The following TNRC6C variants were observed in gnomAD, a reference collection of about 807,000 sequenced individuals.
TNRC6C encodes trinucleotide repeat-containing gene 6C protein.
Under a neutral mutation model 153.7 loss-of-function variants are expected in TNRC6C, and 20 were observed. The observed-to-expected ratio is 0.13, with a 90% CI of 0.09 to 0.19. The LOEUF (loss-of-function observed/expected upper bound fraction) is 0.19. TNRC6C is among the 10% of genes least tolerant of loss of function. The pLI, the probability that TNRC6C is intolerant of heterozygous loss-of-function variation, is 1.00. For synonymous variants in TNRC6C, 811 were observed against 841.4 expected (o/e 0.96, Z 0.63); for missense variants, 1,987 against 2,172.0 (o/e 0.91, Z 1.69).
intron 1 of TNRC6C, among the ~76,000 whole-genome samples, chr17:77,986,373 A>G (rs965682510): frequency 3.3e-5 from 5 of 150,240 alleles, no homozygotes; most frequent in African/African-American, 9.8e-5. Flanking sequence ...AGATCGCGCC[A>G]TTGCACTCCA....
chr17:78,010,345 T>C (rs949877073), intron 1 of TNRC6C, among the ~76,000 whole-genome samples: 1 of 152,210 alleles, frequency 6.6e-6, no homozygotes, highest in Non-Finnish European at 1.5e-5. Context: ...TCCAGTAGTC[T>C]TCAGTTGAGT....
At chr17:78,064,455 G>T (rs1462734041) in intron 3 of TNRC6C, among the ~76,000 whole-genome samples, 1 of 152,136 alleles carries the variant, frequency 6.6e-6, no homozygotes, top group Non-Finnish European at 1.5e-5. Flanking sequence ...TACTTAGGAG[G>T]ATTGAGTGAG....
In TNRC6C at chr17:78,104,755, G is replaced by A. The variant is rs1459066136; in HGVS notation, c.4983G>A (p.Pro1661=). 35 of 1,491,406 alleles carry A rather than the reference G, an allele frequency of 2.3e-5. No individual in the cohort carries two copies. The highest frequency in any genetic ancestry group is 6.7e-5 in the Admixed American group (3 of 44,566). The allele number at this position is 1,491,406 out of a possible 1,614,324, so 92.4% of individuals were successfully genotyped here. A position where few individuals can be genotyped will look rare whatever the true frequency, so the allele number is the denominator to read the frequency against. Residue 1661 remains proline, a synonymous_variant, in exon 20 of 20, where the codon CCG becomes CCA. Coordinates refer to ENST00000301624, the Ensembl canonical transcript of TNRC6C. This position sits in a 1 kb window ranked among gnomAD's most constrained non-coding sequence, Gnocchi z 6.2. ...AGTACTCCAGCAGCCTGTGGGGCCCGCCCAGCGCCGACGACAGCAGGGTGA... is the reference window on the plus strand; with the variant it reads ...AGTACTCCAGCAGCCTGTGGGGCCCACCCAGCGCCGACGACAGCAGGGTGA...
At chr17:78,026,476 A>G (rs2071943582) in intron 1 of TNRC6C, among the ~76,000 whole-genome samples, 1 of 152,242 alleles carries the variant, frequency 6.6e-6, no homozygotes, top group South Asian at 2.1e-4. Context: ...TTAAACTGAT[A>G]TATTCATTGT....
At position 78,051,146 on chromosome 17, in the gene TNRC6C, G is replaced by A. The variant is rs751126281; in HGVS notation, c.2084G>A (p.Gly695Glu). 2.5e-6 allele frequency: 4 copies of A among 1,575,838 alleles called. No homozygotes were observed. In the Admixed American group the frequency reaches 7.1e-5, roughly 28 times the overall value. Residue 695 changes from glycine to glutamate, a missense_variant, in exon 3 of 20, where the codon GGG becomes GAG. Gly to Glu is a moderately conservative substitution (Grantham distance 98). Coordinates refer to ENST00000301624, the Ensembl canonical transcript of TNRC6C. ...CAGACAGGAACAGGGTGGATCGGGGGGCCGGTACCGGTCAAACAGAAGGAC... is the reference window on the plus strand; with the variant it reads ...CAGACAGGAACAGGGTGGATCGGGGAGCCGGTACCGGTCAAACAGAAGGAC...
chr17:78,047,087 G>A (rs377765102), intron 2 of TNRC6C, among the ~76,000 whole-genome samples: 53 of 152,128 alleles, frequency 3.5e-4, no homozygotes, highest in Non-Finnish European at 6.5e-4. Flanking sequence ...TAGTCAAGAG[G>A]CAGCCTGCCT....
intron 1 of TNRC6C, among the ~76,000 whole-genome samples, chr17:78,029,307 G>GTA (rs1305359862): frequency 6.6e-6 from 1 of 152,164 alleles, no homozygotes; most frequent in Non-Finnish European, 1.5e-5. Context: ...AACCCAGATG[G>GTA]TACAGGTTGC....
In TNRC6C at chr17:78,029,462, C is replaced by T. The variant is rs140869322; in HGVS notation, c.-545-2054C>T. On this transcript the variant is annotated intron_variant, in intron 1 of 19. Coordinates refer to ENST00000301624, the Ensembl canonical transcript of TNRC6C. ...ACATAGGAAAGGGACAAGAAAAATA[C>T]GCTATAAAGAATTTTTAAAAGGTAC... 2.3e-3 allele frequency among the ~76,000 whole-genome samples: 355 copies of T among 152,166 alleles called. 2 individuals are homozygous for T. Among genetic ancestry groups the T allele is most frequent in the Non-Finnish European group, 1.0e-3 (70 of 68,016 alleles).
At chr17:78,083,067 G>C in exon 11 of TNRC6C, 1 of 1,613,922 alleles carries the variant, frequency 6.2e-7, no homozygotes, top group East Asian at 2.2e-5. Flanking sequence ...AGCTTTTGCA[G>C]TTTGCAGCAA....
At chr17:78,037,342 A>G (rs2072199643) in intron 2 of TNRC6C, among the ~76,000 whole-genome samples, 1 of 152,252 alleles carries the variant, frequency 6.6e-6, no homozygotes, top group Non-Finnish European at 1.5e-5. Flanking sequence ...CCTACCAAAC[A>G]TCACATACCC....
In TNRC6C at chr17:77,981,295, T is replaced by G. The variant is rs112534556; in HGVS notation, c.-38+22027T>G. Among the ~76,000 whole-genome samples, 487 of 152,298 alleles carry G rather than the reference T, an allele frequency of 3.2e-3. 2 individuals carry two copies. Among genetic ancestry groups the G allele is most frequent in the African/African-American group, 0.011 (463 of 41,574 alleles). ...ATGAAGGCATCATTGATTAAGCCAT[T>G]GGCCATTGGTGATCAACTTAACCTT... On this transcript the variant is annotated intron_variant, in intron 1 of 22. Coordinates refer to the TNRC6C transcript ENST00000636222.
rs756099059 is a variant in TNRC6C at position 78,050,695 on chromosome 17, G to T, written c.1633G>T (p.Ala545Ser). ...TTGGGGGGACTCGATAAGCTCTACTGCTGTTAGTACTGCTGCTGCTGCCAA... is the reference window on the plus strand; with the variant it reads ...TTGGGGGGACTCGATAAGCTCTACTTCTGTTAGTACTGCTGCTGCTGCCAA... The change falls in exon 3 of 20, where the codon GCT (alanine) becomes TCT (serine). Residue 545 changes from alanine (A) to serine (S), a missense_variant. Physicochemically the swap from Ala to Ser is moderately conservative, Grantham distance 99 (BLOSUM62 1). Transcript: ENST00000301624. 3 of 1,571,750 alleles carry T rather than the reference G, an allele frequency of 1.9e-6. No individual in the cohort carries two copies. The highest frequency in any genetic ancestry group is 1.7e-6 in the Non-Finnish European group (2 of 1,157,936).
chr17:78,038,592 T>C (rs2072227723), intron 2 of TNRC6C, among the ~76,000 whole-genome samples: 1 of 147,766 alleles, frequency 6.8e-6, no homozygotes, highest in South Asian at 2.1e-4. Context: ...GGCAGGAGAA[T>C]GCCGTGAACC....
intron 1 of TNRC6C, among the ~76,000 whole-genome samples, chr17:78,012,853 G>A (rs947087791): frequency 3.3e-5 from 5 of 152,194 alleles, no homozygotes; most frequent in Non-Finnish European, 5.9e-5. Context: ...CTACCTGAAA[G>A]GATTTAGGTT....
chr17:78,000,630 C>CCCCCCCCCCCCA (rs1555628277), upstream of TNRC6C, among the ~76,000 whole-genome samples: 1 of 62,312 alleles, frequency 1.6e-5, no homozygotes, highest in African/African-American at 9.4e-5. Flanking sequence ...CCCCCCCCCC[C>CCCCCCCCCCCCA]CACACACACA....
chr17:78,072,412 C>T (rs2073015201), intron 6 of TNRC6C, among the ~76,000 whole-genome samples: 2 of 152,190 alleles, frequency 1.3e-5, no homozygotes, highest in Admixed American at 6.5e-5. Context: ...CTCTGCACTC[C>T]GACAGTGACT....
chr17:77,983,984 C>CA (rs2071119463), intron 1 of TNRC6C, among the ~76,000 whole-genome samples: 1 of 152,146 alleles, frequency 6.6e-6, no homozygotes, highest in Non-Finnish European at 1.5e-5. Context: ...CATGTGGAAT[C>CA]AGAGTTGTTT....
intron 1 of TNRC6C, among the ~76,000 whole-genome samples, chr17:77,967,683 C>T (rs148364626): frequency 5.5e-4 from 84 of 152,294 alleles, no homozygotes; most frequent in African/African-American, 1.8e-3. Flanking sequence ...CAATGTGTGA[C>T]GCTTCTCATG....
intron 2 of TNRC6C, among the ~76,000 whole-genome samples, chr17:78,043,890 C>T (rs546103756): frequency 5.9e-5 from 9 of 152,294 alleles, no homozygotes; most frequent in African/African-American, 2.2e-4. Flanking sequence ...TTGCAAATGA[C>T]AGGATCTTAT....
Sources: allele counts gnomAD v4.1 joint callset (sites outside exome capture counted in the v4.1 genomes callset), GRCh38; gene constraint gnomAD v4.1.1; non-coding constraint Gnocchi (gnomAD v3.1); transcripts MANE v1.5; gene names NCBI Gene and HGNC (gene_info 2026-07-23, HGNC 2026-07-21).